Variants in RPRD1B observed in about 807,000 individuals in gnomAD.
The protein encoded by RPRD1B is regulation of nuclear pre-mRNA domain-containing protein 1B.
A neutral mutation model predicts 41.5 loss-of-function variants in RPRD1B; 11 were observed. That is an observed-to-expected ratio of 0.27 (90% confidence interval 0.17 to 0.44). The LOEUF is 0.44. Among genes scored for constraint, RPRD1B ranks in the 20% least tolerant of loss-of-function variants. The probability of loss-of-function intolerance (pLI) is 1.00; values close to 1 mark genes in which losing one functional copy is unlikely to be tolerated. For synonymous variants in RPRD1B, 158 were observed against 155.6 expected (o/e 1.02, Z -0.12); for missense variants, 248 against 389.9 (o/e 0.64, Z 3.06).
rs548394399 is a variant in RPRD1B at position 38,089,653 on chromosome 20, G to T, written c.832-73G>T. 1.6e-4 allele frequency: 208 copies of T among 1,265,818 alleles called. 1 individual carries two copies. The African/African-American group carries it at 2.9e-3, about 18-fold the overall frequency. 78.4% of individuals were successfully genotyped at this position (1,265,818 alleles called of 1,614,324 possible). The stretch of plus-strand genomic sequence containing the variant: ...GAAGAACACGAGGACGAGAGTAGCT[G>T]CCCGGCTCCAGCAGCACCCATGCCC... On this transcript the variant is annotated intron_variant, in intron 6 of 6. Coordinates refer to ENST00000373433, the MANE Select transcript of RPRD1B (RefSeq NM_021215.4).
intron 6 of RPRD1B, among the ~76,000 whole-genome samples, chr20:38,067,867 C>T (rs1161588492): frequency 6.6e-6 from 1 of 152,254 alleles, no homozygotes; most frequent in Non-Finnish European, 1.5e-5. Flanking sequence ...AGTCACCATG[C>T]CATCTGTTGA....
intron 5 of RPRD1B, among the ~76,000 whole-genome samples, chr20:38,059,872 GAAA>G (rs1005699673): frequency 6.6e-6 from 1 of 151,854 alleles, no homozygotes; most frequent in African/African-American, 2.4e-5. Flanking sequence ...CTTACTAAAA[GAAA>G]AAAAATTATG....
At chr20:38,038,644 C>T (rs566406930) in intron 1 of RPRD1B, among the ~76,000 whole-genome samples, 1 of 151,998 alleles carries the variant, frequency 6.6e-6, no homozygotes, top group East Asian at 1.9e-4. Flanking sequence ...CTACAGGCGC[C>T]CGCCACCACG....
At chr20:38,067,722 C>G (rs1265224297) in intron 6 of RPRD1B, among the ~76,000 whole-genome samples, 3 of 152,204 alleles carry the variant, frequency 2.0e-5, no homozygotes, top group Admixed American at 6.5e-5. Context: ...CGGCACTGAC[C>G]AGAGATCCTA....
chr20:38,090,582 T>C lies in RPRD1B; in HGVS notation c.*707T>C. 1.0e-6 allele frequency: 1 copy of C among 985,706 alleles called. No homozygotes were observed. Among genetic ancestry groups the C allele is most frequent in the Non-Finnish European group, 1.2e-6 (1 of 829,954 alleles). The allele number at this position is 985,706 out of a possible 1,614,324, so 61.1% of individuals were successfully genotyped here. ...CATGAATTAAAAGGAATTTATTTGC[T>C]TCAAGTTCCTAGATACAACCTTCCC... On this transcript the variant is annotated 3_prime_UTR_variant, in exon 7 of 7. Transcript: ENST00000373433.
At position 38,059,501 on chromosome 20, in the gene RPRD1B, T is replaced by C. The variant is rs762162325; in HGVS notation, c.636T>C (p.Ser212=). 1 of 1,613,872 alleles carries C rather than the reference T, an allele frequency of 6.2e-7. No homozygotes were observed. The highest frequency in any genetic ancestry group is 1.3e-5 in the African/African-American group (1 of 74,912). Residue 212 remains serine (S), a synonymous_variant, in exon 5 of 7, where the codon TCT becomes TCC. Transcript: ENST00000373433. ...TGCCCCAGGAAGTGCAAGATGTTTC[T>C]CTATTGGAAAAAATAACAGGTGAGA... is the stretch of plus-strand genomic sequence containing the variant. ...ASLPQEVQDV[S]LLEKITDKEA...
intron 6 of RPRD1B, among the ~76,000 whole-genome samples, chr20:38,067,476 G>A (rs963204731): frequency 1.3e-5 from 2 of 152,202 alleles, no homozygotes; most frequent in African/African-American, 4.8e-5. Flanking sequence ...ACGTGCTCTG[G>A]CACAGAAGGA....
chr20:38,041,731 C>G (rs2074068180), intron 2 of RPRD1B, among the ~76,000 whole-genome samples: 1 of 152,278 alleles, frequency 6.6e-6, no homozygotes, highest in South Asian at 2.1e-4. Context: ...GGATGTGTTA[C>G]TTAACTTTTT....
intron 6 of RPRD1B, 45 bp from the exon 7 acceptor site, chr20:38,089,681 G>A (rs774644868): frequency 1.0e-5 from 16 of 1,545,854 alleles, no homozygotes; most frequent in Non-Finnish European, 1.2e-5. Flanking sequence ...CCATGCCCTC[G>A]GCACGCACAG....
chr20:38,060,095 G>A (rs2122726095), intron 5 of RPRD1B, among the ~76,000 whole-genome samples: 1 of 152,202 alleles, frequency 6.6e-6, no homozygotes, highest in East Asian at 1.9e-4. Context: ...AATATTGACA[G>A]TAGGCTTTGC....
intron 3 of RPRD1B, among the ~76,000 whole-genome samples, chr20:38,049,367 CTTTTTTTTTT>C (rs11481142): frequency 0.011 from 1,048 of 93,432 alleles, 6 homozygotes; most frequent in Non-Finnish European, 0.016. Context: ...TTCTTTTTTT[CTTTTTTTTTT>C]TTTTTTTTTT....
intron 2 of RPRD1B, among the ~76,000 whole-genome samples, chr20:38,041,833 A>G (rs2074069087): frequency 6.6e-6 from 1 of 152,208 alleles, no homozygotes; most frequent in South Asian, 2.1e-4. Flanking sequence ...GTTTAAAAGT[A>G]TGTAGTACAA....
At chr20:38,072,006 GT>G (rs1180254565) in intron 6 of RPRD1B, among the ~76,000 whole-genome samples, 3 of 152,008 alleles carry the variant, frequency 2.0e-5, no homozygotes, top group Non-Finnish European at 4.4e-5. Flanking sequence ...ATGTGCAAAA[GT>G]TTTTTATTTT....
intron 3 of RPRD1B, chr20:38,049,702 T>C: frequency 2.1e-6 from 1 of 471,092 alleles, no homozygotes; most frequent in South Asian, 1.5e-5. Context: ...TCAAATGTTG[T>C]TTAGTTACTT....
At chr20:38,040,378 T>G in intron 1 of RPRD1B, 57 bp from the exon 2 acceptor site, 1 of 1,446,736 alleles carries the variant, frequency 6.9e-7, no homozygotes, top group Non-Finnish European at 9.3e-7. Flanking sequence ...GGCAAAAGAA[T>G]TGTGAATTGA....
chr20:38,079,199 A>T (rs1600437262), intron 6 of RPRD1B, among the ~76,000 whole-genome samples: 1 of 151,216 alleles, frequency 6.6e-6, no homozygotes, highest in African/African-American at 2.4e-5. Context: ...AGTTTGTCAC[A>T]TGTTATATCC....
intron 6 of RPRD1B, among the ~76,000 whole-genome samples, chr20:38,080,431 C>CCCAGCACCATTTA (rs2074502189): frequency 6.6e-6 from 1 of 152,210 alleles, no homozygotes; most frequent in African/African-American, 2.4e-5. Flanking sequence ...AGCCAGCTAT[C>CCCAGCACCATTTA]CCAGCACCAT....
intron 6 of RPRD1B, among the ~76,000 whole-genome samples, chr20:38,075,047 G>C (rs1458069143): frequency 6.6e-6 from 1 of 152,162 alleles, no homozygotes; most frequent in East Asian, 1.9e-4. Flanking sequence ...TTGAGCACTT[G>C]TATGTTTCTG....
At chr20:38,082,506 C>T (rs920516196) in intron 6 of RPRD1B, among the ~76,000 whole-genome samples, 5 of 152,188 alleles carry the variant, frequency 3.3e-5, no homozygotes, top group African/African-American at 1.2e-4. Flanking sequence ...CCTGCCTCAG[C>T]CTCCCGAGCA....
Sources: gnomAD v4.1 joint callset for allele counts (sites outside exome capture counted in the v4.1 genomes callset) on GRCh38, gnomAD v4.1.1 for gene constraint, MANE v1.5 for transcripts, NCBI Gene and HGNC (gene_info 2026-07-23, HGNC 2026-07-21) for gene names.